Variants in ZBTB7C observed in about 807,000 individuals in gnomAD.
The protein encoded by ZBTB7C is zinc finger and BTB domain containing 7C.
A neutral mutation model predicts 25.7 loss-of-function variants in ZBTB7C; 8 were observed. The observed-to-expected ratio is 0.31, with a 90% CI of 0.18 to 0.56. ZBTB7C has a LOEUF of 0.56. Ranked by LOEUF, ZBTB7C falls within the 20% of genes least tolerant of loss-of-function variation. ZBTB7C has a pLI of 0.91. For synonymous variants in ZBTB7C, 394 were observed against 369.0 expected (o/e 1.07, Z -0.78); for missense variants, 824 against 855.2 (o/e 0.96, Z 0.46).
intron 3 of ZBTB7C, among the ~76,000 whole-genome samples, chr18:48,131,207 A>C (rs994254103): frequency 3.3e-5 from 5 of 152,214 alleles, no homozygotes; most frequent in Admixed American, 2.6e-4. Flanking sequence ...CCTGGCCTGA[A>C]ATCTTTTAAA....
At chr18:48,277,178 G>T in intron 2 of ZBTB7C, among the ~76,000 whole-genome samples, 1 of 142,050 alleles carries the variant, frequency 7.0e-6, no homozygotes, top group Non-Finnish European at 1.5e-5. Flanking sequence ...CTTCTGCACA[G>T]CAAAAGAAAC....
chr18:48,318,203 A>C (rs1476319945), intron 2 of ZBTB7C, among the ~76,000 whole-genome samples: 2 of 147,312 alleles, frequency 1.4e-5, no homozygotes, highest in African/African-American at 2.5e-5. Flanking sequence ...CTTGCAAAAA[A>C]CAAAACAAAA....
At chr18:48,137,162 C>T (rs1259132036) in intron 3 of ZBTB7C, 15 of 985,362 alleles carry the variant, frequency 1.5e-5, no homozygotes, top group Non-Finnish European at 1.8e-5. Flanking sequence ...TTAAGCCATT[C>T]CAGGAGTGGT....
intron 1 of ZBTB7C, among the ~76,000 whole-genome samples, chr18:48,381,642 G>C (rs2047636332): frequency 6.6e-6 from 1 of 152,184 alleles, no homozygotes; most frequent in Admixed American, 6.5e-5. Flanking sequence ...GAGGTAATGG[G>C]CCAGTTAGCT....
At chr18:48,160,126 T>G (rs530633326) in intron 3 of ZBTB7C, among the ~76,000 whole-genome samples, 41 of 152,328 alleles carry the variant, frequency 2.7e-4, no homozygotes, top group Admixed American at 1.3e-3. Flanking sequence ...TGGGCTTGCT[T>G]GAAGTGACCA....
At chr18:48,300,012 G>C (rs1465510865) in intron 2 of ZBTB7C, among the ~76,000 whole-genome samples, 1 of 152,200 alleles carries the variant, frequency 6.6e-6, no homozygotes, top group Non-Finnish European at 1.5e-5. Flanking sequence ...TTGTTAGTAT[G>C]CACACTTTAG....
rs182535281 is a variant in ZBTB7C, at chr18:48,170,306, G to A, written c.-17+15628C>T. On this transcript the variant is annotated intron_variant, in intron 3 of 4. Transcript: ENST00000590800. ...CACCCCAAGGGCTAACTAGTATCCA[G>A]TCTTCCTATTCTGCAGGGGGCATCT... Among the ~76,000 whole-genome samples the A allele has an allele frequency of 2.8e-3, 422 of 152,370 alleles. 4 individuals carry two copies. Among genetic ancestry groups the A allele is most frequent in the African/African-American group, 9.6e-3 (401 of 41,590 alleles).
chr18:48,364,713 C>T (rs1184358349), intron 1 of ZBTB7C, among the ~76,000 whole-genome samples: 2 of 152,146 alleles, frequency 1.3e-5, no homozygotes, highest in African/African-American at 4.8e-5. Context: ...CATCCCTATC[C>T]CCTAGCTTTC....
chr18:48,330,223 G>A (rs2046312700), intron 2 of ZBTB7C, among the ~76,000 whole-genome samples: 1 of 152,190 alleles, frequency 6.6e-6, no homozygotes, highest in Non-Finnish European at 1.5e-5. Context: ...ATCCTGGCAT[G>A]GCCCAGAGCA....
chr18:48,213,530 T>C (rs1237880899), intron 2 of ZBTB7C, among the ~76,000 whole-genome samples: 2 of 152,222 alleles, frequency 1.3e-5, no homozygotes, highest in African/African-American at 4.8e-5. Context: ...TGATAACAGA[T>C]CTGTGTTATC....
At chr18:48,162,093 C>T (rs1196964841) in intron 3 of ZBTB7C, among the ~76,000 whole-genome samples, 1 of 139,804 alleles carries the variant, frequency 7.2e-6, no homozygotes, top group Non-Finnish European at 1.7e-5. Flanking sequence ...GCCAGACCCC[C>T]CGCCGCCGCA....
chr18:48,193,466 C>T (rs1278906177), intron 2 of ZBTB7C, among the ~76,000 whole-genome samples: 1 of 152,076 alleles, frequency 6.6e-6, no homozygotes, highest in Non-Finnish European at 1.5e-5. Flanking sequence ...CCTCTTGCTC[C>T]CCCATCCAAA....
At chr18:48,087,318 A>G (rs535000641) in intron 3 of ZBTB7C, among the ~76,000 whole-genome samples, 4 of 152,370 alleles carry the variant, frequency 2.6e-5, no homozygotes, top group Non-Finnish European at 4.4e-5. Flanking sequence ...GAATGTGAAA[A>G]TGTTGAACAC....
At position 48,131,470 on chromosome 18, in the gene ZBTB7C, G is replaced by GT. The variant is rs1034256451; in HGVS notation, c.-17+54463dup. On this transcript the variant is annotated intron_variant, in intron 3 of 4. Coordinates refer to ENST00000590800, the MANE Select transcript of ZBTB7C (RefSeq NM_001318841.2). ...AGGATGTTCTAATGAAAGGATAGTT[G>GT]TTTTTTTTTTTGTGTGTAATGTTTG... is the stretch of plus-strand genomic sequence containing the variant. Among the ~76,000 whole-genome samples, 129 of 148,198 alleles carry GT rather than the reference G, an allele frequency of 8.7e-4. No individual in the cohort carries two copies. In the Middle Eastern group the frequency reaches 0.01, roughly 12 times the overall value.
chr18:48,397,390 C>A (rs1209828532), intron 1 of ZBTB7C, among the ~76,000 whole-genome samples: 1 of 152,154 alleles, frequency 6.6e-6, no homozygotes, highest in South Asian at 2.1e-4. Flanking sequence ...CGGTTCCCCA[C>A]CTGAATACCC....
At chr18:48,055,678 C>A (rs1224635940) in intron 3 of ZBTB7C, among the ~76,000 whole-genome samples, 1 of 152,196 alleles carries the variant, frequency 6.6e-6, no homozygotes, top group Admixed American at 6.5e-5. Flanking sequence ...CCACAGGAGC[C>A]CAGCACCAAG....
rs115416133 is a variant in ZBTB7C, at chr18:48,292,216, C to A, written c.-79+45958G>T. Among the ~76,000 whole-genome samples, 863 of 151,952 alleles carry A rather than the reference C, an allele frequency of 5.7e-3. 11 individuals are homozygous for A. The highest frequency in any genetic ancestry group is 0.02 in the African/African-American group (828 of 41,366). ...CCATCTCAAAAAAAAAAAATTGCTACGATCTGTTAAGTACTTACATCTTGG... is the reference window on the plus strand; with the variant it reads ...CCATCTCAAAAAAAAAAAATTGCTAAGATCTGTTAAGTACTTACATCTTGG... On this transcript the variant is annotated intron_variant, in intron 2 of 4. Transcript: ENST00000590800.
chr18:48,275,756 G>A (rs905893902), intron 2 of ZBTB7C, among the ~76,000 whole-genome samples: 1 of 152,192 alleles, frequency 6.6e-6, no homozygotes, highest in Non-Finnish European at 1.5e-5. Flanking sequence ...CAGTTCTGAA[G>A]TGCACCTTGG....
intron 2 of ZBTB7C, among the ~76,000 whole-genome samples, chr18:48,259,666 CA>C (rs1350567527): frequency 6.6e-6 from 1 of 152,006 alleles, no homozygotes; most frequent in African/African-American, 2.4e-5. Context: ...CAAAGCTCAA[CA>C]ATAAGAAATC....
Sources: allele counts gnomAD v4.1 joint callset (sites outside exome capture counted in the v4.1 genomes callset), GRCh38; gene constraint gnomAD v4.1.1; transcripts MANE v1.5; gene names NCBI Gene and HGNC (gene_info 2026-07-23, HGNC 2026-07-21).